Variants in SYN3 observed in about 807,000 individuals in gnomAD.
SYN3 encodes synapsin III, also known as synapsin-3.
A neutral mutation model predicts 65.8 loss-of-function variants in SYN3; 35 were observed. The observed-to-expected ratio is 0.53, with a 90% CI of 0.41 to 0.70. The LOEUF (loss-of-function observed/expected upper bound fraction) is 0.70. Ranked by LOEUF, SYN3 falls within the 30% of genes least tolerant of loss-of-function variation. The pLI is 0.00. For missense variants in SYN3, 680 were observed against 749.0 expected (o/e 0.91, Z 1.08); for synonymous variants, 270 against 292.9 (o/e 0.92, Z 0.80).
intron 7 of SYN3, among the ~76,000 whole-genome samples, chr22:32,572,373 C>T (rs1321714712): frequency 8.0e-5 from 5 of 62,708 alleles, no homozygotes; most frequent in Non-Finnish European, 1.6e-4. Context: ...CTTCCACCCT[C>T]CCTCCCATCT....
chr22:32,602,856 C>T (rs2059305302), intron 6 of SYN3, among the ~76,000 whole-genome samples: 1 of 152,164 alleles, frequency 6.6e-6, no homozygotes, highest in Non-Finnish European at 1.5e-5. Flanking sequence ...TCTCTCTCTG[C>T]TACTATAAAC....
At chr22:32,692,181 A>T in intron 6 of SYN3, among the ~76,000 whole-genome samples, 1 of 104,794 alleles carries the variant, frequency 9.5e-6, no homozygotes, top group East Asian at 3.5e-4. Flanking sequence ...AAAAAACAGG[A>T]CGGTCTGCAA....
At chr22:33,045,656 G>A (rs888521564) in intron 1 of SYN3, among the ~76,000 whole-genome samples, 6 of 151,768 alleles carry the variant, frequency 4.0e-5, no homozygotes, top group African/African-American at 1.4e-4. Context: ...TAGAGACAGA[G>A]TTTCACCGTG....
At chr22:32,980,512 G>A (rs916260733) in intron 3 of SYN3, 133 bp downstream of exon 3, 9 of 804,180 alleles carry the variant, frequency 1.1e-5, no homozygotes, top group Middle Eastern at 3.0e-4. Context: ...AGACTCCCAA[G>A]TATAAGCTTG....
chr22:32,513,575 A>G lies in SYN3; in HGVS notation c.*117T>C. 7.5e-7 allele frequency: 1 copy of G among 1,337,942 alleles called. No individual in the cohort carries two copies. The highest frequency in any genetic ancestry group is 1.0e-6 in the Non-Finnish European group (1 of 981,200). 82.9% of individuals were successfully genotyped at this position (1,337,942 alleles called of 1,614,324 possible). A position where few individuals can be genotyped will look rare whatever the true frequency, so the allele number is the denominator to read the frequency against. ...GGTTCCTGGGTCAAAGGCATTTAGAAAGTATGTTCTCAGGCCCTCCATTCT... is the reference window on the plus strand; with the variant it reads ...GGTTCCTGGGTCAAAGGCATTTAGAGAGTATGTTCTCAGGCCCTCCATTCT... On this transcript the variant is annotated 3_prime_UTR_variant, in exon 14 of 14. Coordinates refer to ENST00000358763, the MANE Select transcript of SYN3 (RefSeq NM_003490.4).
intron 6 of SYN3, among the ~76,000 whole-genome samples, chr22:32,742,479 G>C (rs1167858222): frequency 6.6e-6 from 1 of 152,128 alleles, no homozygotes; most frequent in Admixed American, 6.5e-5. Flanking sequence ...GCAAGGAAAA[G>C]AATGGTTGGG....
intron 4 of SYN3, among the ~76,000 whole-genome samples, chr22:32,903,804 T>C (rs558117222): frequency 2.6e-5 from 4 of 152,310 alleles, no homozygotes; most frequent in African/African-American, 9.6e-5. Context: ...AATGGGTGAC[T>C]TGTCAAAAAG....
chr22:32,536,210 G>C (rs1450877178), intron 9 of SYN3, among the ~76,000 whole-genome samples: 2 of 152,188 alleles, frequency 1.3e-5, no homozygotes, highest in African/African-American at 4.8e-5. Flanking sequence ...ACACCTGTTG[G>C]GGGAAGGAGG....
At chr22:32,890,484 C>T (rs1196397012) in intron 4 of SYN3, among the ~76,000 whole-genome samples, 1 of 151,794 alleles carries the variant, frequency 6.6e-6, no homozygotes, top group African/African-American at 2.4e-5. Context: ...GGGTTCACAC[C>T]ATTCTCCTGC....
At chr22:32,766,915 G>GACTT (rs2045641568) in intron 6 of SYN3, among the ~76,000 whole-genome samples, 1 of 152,132 alleles carries the variant, frequency 6.6e-6, no homozygotes, top group African/African-American at 2.4e-5. Flanking sequence ...TAAAATACAG[G>GACTT]ACTTACGTGT....
intron 6 of SYN3, among the ~76,000 whole-genome samples, chr22:32,610,619 G>T (rs955381085): frequency 2.0e-5 from 3 of 149,296 alleles, no homozygotes; most frequent in African/African-American, 7.4e-5. Context: ...TTTTGCTCTT[G>T]TTGCCCAGGC....
intron 6 of SYN3, among the ~76,000 whole-genome samples, chr22:32,766,540 C>T (rs1229253191): frequency 2.0e-5 from 3 of 152,166 alleles, no homozygotes; most frequent in Admixed American, 1.3e-4. Context: ...TTTGAATCTC[C>T]GCACCCAGAA....
chr22:32,851,143 G>A (rs571410384), intron 6 of SYN3, among the ~76,000 whole-genome samples: 2 of 152,094 alleles, frequency 1.3e-5, no homozygotes, highest in Non-Finnish European at 2.9e-5. Context: ...CAACAACAAC[G>A]CAAAAAGCCC....
At chr22:32,824,421 A>G (rs1278186874) in intron 6 of SYN3, among the ~76,000 whole-genome samples, 5 of 152,066 alleles carry the variant, frequency 3.3e-5, no homozygotes, top group African/African-American at 1.2e-4. Context: ...GGAGTGAGAC[A>G]ATCTCAGGAT....
chr22:32,515,923 C>G lies in SYN3; in HGVS notation c.1611-2099G>C, dbSNP rs1023775662. On this transcript the variant is annotated intron_variant, in intron 13 of 13. Transcript: ENST00000358763. ...ACGCCATTCTCCTGCCTCAGCCTCCCTAGCAGCTGGGACTACAGGCGCACG... is the reference window on the plus strand; with the variant it reads ...ACGCCATTCTCCTGCCTCAGCCTCCGTAGCAGCTGGGACTACAGGCGCACG... Among the ~76,000 whole-genome samples, 3 of 152,090 alleles carry G rather than the reference C, an allele frequency of 2.0e-5. No individual in the cohort carries two copies. The South Asian group carries it at 6.2e-4, about 32-fold the overall frequency.
At chr22:32,722,879 G>A (rs2061139637) in intron 6 of SYN3, among the ~76,000 whole-genome samples, 1 of 152,240 alleles carries the variant, frequency 6.6e-6, no homozygotes, top group Non-Finnish European at 1.5e-5. Flanking sequence ...AGTAGGAGAT[G>A]TGAAATATGG....
At chr22:32,626,312 T>C (rs2059665635) in intron 6 of SYN3, among the ~76,000 whole-genome samples, 1 of 152,128 alleles carries the variant, frequency 6.6e-6, no homozygotes, top group Admixed American at 6.5e-5. Context: ...AAGCTGAGAC[T>C]TCTGTACACC....
intron 6 of SYN3, among the ~76,000 whole-genome samples, chr22:32,643,856 C>A (rs1224504929): frequency 6.6e-6 from 1 of 151,484 alleles, no homozygotes; most frequent in Non-Finnish European, 1.5e-5. Context: ...CTTTGGGAGG[C>A]CGAGGCGGGT....
intron 6 of SYN3, among the ~76,000 whole-genome samples, chr22:32,830,399 C>G (rs781407689): frequency 6.6e-6 from 1 of 151,964 alleles, no homozygotes; most frequent in Non-Finnish European, 1.5e-5. Context: ...ATGCTTTGCC[C>G]GACAGTCTAT....
Sources: allele counts gnomAD v4.1 joint callset (sites outside exome capture counted in the v4.1 genomes callset), GRCh38; gene constraint gnomAD v4.1.1; transcripts MANE v1.5; gene names NCBI Gene and HGNC (gene_info 2026-07-23, HGNC 2026-07-21).